NCALD: variants seen among roughly 807,000 people sequenced by gnomAD.
The protein encoded by NCALD is neurocalcin-delta.
Under a neutral mutation model 18.6 loss-of-function variants are expected in NCALD, and 10 were observed. That is an observed-to-expected ratio of 0.54 (90% CI 0.33 to 0.91). The LOEUF (loss-of-function observed/expected upper bound fraction) is 0.91, where lower values mean the gene tolerates loss of function less well. NCALD is among the 40% of genes least tolerant of loss of function. The probability of loss-of-function intolerance (pLI) is 0.03; values close to 1 mark genes in which losing one functional copy is unlikely to be tolerated. For synonymous variants in NCALD, 88 were observed against 87.4 expected, an observed-to-expected ratio of 1.01 and a Z score of -0.04; for missense variants, 184 against 247.6, an observed-to-expected ratio of 0.74 and a Z score of 1.72.
intron 4 of NCALD, among the ~76,000 whole-genome samples, chr8:101,802,088 A>G (rs1812890178): frequency 6.6e-6 from 1 of 152,204 alleles, no homozygotes; most frequent in Admixed American, 6.5e-5. Context: ...CTCCAACAGC[A>G]TGAGCTCAAA....
intron 2 of NCALD, among the ~76,000 whole-genome samples, chr8:101,704,896 G>A (rs1336035964): frequency 3.4e-5 from 5 of 148,804 alleles, no homozygotes; most frequent in Non-Finnish European, 7.4e-5. Context: ...TCCAGCCTAG[G>A]CGACAAGAGC....
At chr8:101,947,914 G>A (rs1167871661) in intron 2 of NCALD, among the ~76,000 whole-genome samples, 1 of 152,204 alleles carries the variant, frequency 6.6e-6, no homozygotes, top group Non-Finnish European at 1.5e-5. Flanking sequence ...GAGGTGCATA[G>A]AGATTCTGAA....
At chr8:101,935,083 AAAG>A (rs1818711656) in intron 2 of NCALD, among the ~76,000 whole-genome samples, 1 of 152,196 alleles carries the variant, frequency 6.6e-6, no homozygotes, top group African/African-American at 2.4e-5. Flanking sequence ...TGCGCTAGAG[AAAG>A]AAGTGGGAAT....
intron 1 of NCALD, among the ~76,000 whole-genome samples, chr8:102,092,085 T>C (rs1338690918): frequency 6.6e-6 from 1 of 152,138 alleles, no homozygotes; most frequent in East Asian, 1.9e-4. Flanking sequence ...ACACAAGATA[T>C]AGGTCATAAA....
At chr8:101,975,004 G>A (rs1253301592) in intron 2 of NCALD, among the ~76,000 whole-genome samples, 2 of 152,144 alleles carry the variant, frequency 1.3e-5, no homozygotes, top group Non-Finnish European at 2.9e-5. Context: ...CAGAACCTTA[G>A]GTCATCTCAA....
At chr8:101,932,378 T>C (rs184646309) in intron 2 of NCALD, among the ~76,000 whole-genome samples, 3 of 152,234 alleles carry the variant, frequency 2.0e-5, no homozygotes, top group African/African-American at 7.2e-5. Context: ...CACATCCCCA[T>C]TCGCCTACCC....
chr8:101,801,424 A>G (rs1352449167), intron 4 of NCALD, among the ~76,000 whole-genome samples: 1 of 152,006 alleles, frequency 6.6e-6, no homozygotes, highest in Non-Finnish European at 1.5e-5. Context: ...TTTTTTTCAA[A>G]TGTATTCACC....
At chr8:101,832,300 T>C (rs1814223093) in intron 4 of NCALD, among the ~76,000 whole-genome samples, 1 of 152,136 alleles carries the variant, frequency 6.6e-6, no homozygotes, top group Middle Eastern at 3.2e-3. Context: ...ACCTCCTCCT[T>C]GAGGCCTCTA....
intron 3 of NCALD, among the ~76,000 whole-genome samples, chr8:101,896,062 C>T (rs761075847): frequency 0.042 from 6,072 of 144,898 alleles, 316 homozygotes; most frequent in African/African-American, 0.12. Flanking sequence ...GCCAAGTCAA[C>T]CCTAAGCCAA....
chr8:101,839,206 T>C (rs576852351), intron 4 of NCALD, among the ~76,000 whole-genome samples: 5 of 151,788 alleles, frequency 3.3e-5, no homozygotes, highest in African/African-American at 2.4e-5. Context: ...CGACCTGTGA[T>C]GGTAGTGGTG....
chr8:101,802,492 C>T (rs1812906893), intron 4 of NCALD, among the ~76,000 whole-genome samples: 2 of 151,992 alleles, frequency 1.3e-5, no homozygotes, highest in Non-Finnish European at 2.9e-5. Context: ...AAAACTAAGC[C>T]TCTTGTGCCA....
At chr8:101,897,580 T>C (rs1015065886) in intron 3 of NCALD, among the ~76,000 whole-genome samples, 1 of 152,190 alleles carries the variant, frequency 6.6e-6, no homozygotes, top group Non-Finnish European at 1.5e-5. Flanking sequence ...TTTTGTTTGT[T>C]TCCAGTGTTG....
At chr8:101,734,721 G>T (rs536139561) in intron 1 of NCALD, among the ~76,000 whole-genome samples, 2 of 152,224 alleles carry the variant, frequency 1.3e-5, no homozygotes, top group South Asian at 4.1e-4. Flanking sequence ...CCTGCTGCAG[G>T]AATCAATGCT....
At chr8:102,039,297 A>G (rs1426461603) in intron 1 of NCALD, among the ~76,000 whole-genome samples, 5 of 152,170 alleles carry the variant, frequency 3.3e-5, no homozygotes, top group African/African-American at 9.7e-5. Flanking sequence ...ATTTTCTTAC[A>G]CAGCAATAGA....
intron 4 of NCALD, among the ~76,000 whole-genome samples, chr8:101,809,057 T>C (rs1485138066): frequency 2.0e-5 from 3 of 152,196 alleles, no homozygotes; most frequent in African/African-American, 7.2e-5. Flanking sequence ...AGCTGTGGAA[T>C]GTTATAAAAT....
intron 2 of NCALD, among the ~76,000 whole-genome samples, chr8:101,996,074 C>T (rs1821229575): frequency 6.6e-6 from 1 of 152,208 alleles, no homozygotes; most frequent in African/African-American, 2.4e-5. Context: ...TGGGCTTTCA[C>T]ACATTTTGGC....
At chr8:101,830,316 T>C (rs1814124559) in intron 4 of NCALD, among the ~76,000 whole-genome samples, 1 of 152,172 alleles carries the variant, frequency 6.6e-6, no homozygotes, top group Non-Finnish European at 1.5e-5. Flanking sequence ...ATCCCAGTAC[T>C]TTGGGAGGCC....
intron 2 of NCALD, among the ~76,000 whole-genome samples, chr8:101,939,903 T>C (rs1346263473): frequency 6.6e-6 from 1 of 152,224 alleles, no homozygotes; most frequent in Non-Finnish European, 1.5e-5. Flanking sequence ...AGCTAGTAAG[T>C]GGCCATGTGA....
intron 2 of NCALD, among the ~76,000 whole-genome samples, chr8:101,946,809 CAAAAAAAAA>C (rs71268537): frequency 3.0e-5 from 2 of 65,664 alleles, no homozygotes; most frequent in Non-Finnish European, 5.6e-5. Flanking sequence ...CATCAATTAG[CAAAAAAAAA>C]AAAAAAAAAA....
Sources: gnomAD v4.1 joint callset for allele counts (sites outside exome capture counted in the v4.1 genomes callset) on GRCh38, gnomAD v4.1.1 for gene constraint, MANE v1.5 for transcripts, NCBI Gene and HGNC (gene_info 2026-07-23, HGNC 2026-07-21) for gene names.